Variants in DDX51 observed in about 807,000 individuals in gnomAD.
The protein encoded by DDX51 is ATP-dependent RNA helicase DDX51.
A neutral mutation model predicts 74.6 loss-of-function variants in DDX51; 67 were observed. The ratio of observed to expected loss-of-function variants is 0.90; its 90% confidence interval spans 0.74 to 1.10. The LOEUF (loss-of-function observed/expected upper bound fraction) is 1.10. Among genes scored for constraint, DDX51 ranks in the 50% least tolerant of loss-of-function variants. The pLI is 0.00. For missense variants in DDX51, 1,056 were observed against 905.2 expected (o/e 1.17, Z -2.14); for synonymous variants, 545 against 402.9 (o/e 1.35, Z -4.22).
At position 132,142,353 on chromosome 12, in the gene DDX51, T is replaced by C. The variant is rs768374413; in HGVS notation, c.740A>G (p.Tyr247Cys). The C allele has an allele frequency of 1.2e-5, 19 of 1,612,842 alleles. No individual in the cohort carries two copies. The South Asian group carries it at 2.0e-4, about 17-fold the overall frequency. Reference protein sequence around the residue: ...ACGFLVGRGGYRPSDLCVSAP... With the variant: ...ACGFLVGRGGCRPSDLCVSAP... ...AGAAACACAGAGGTCGCTAGGCCGG[T>C]AGCCACCTCTGCCCACCAGAAACCC... The change falls in exon 4 of 15, where the codon TAC becomes TGC. Residue 247 changes from tyrosine to cysteine, a missense_variant. Transcript: ENST00000397333.
chr12:132,142,369 C>A lies in DDX51; in HGVS notation c.724G>T (p.Val242Leu). ...LLESAACGFL[V>L]GRGGYRPSDL... ...CTAGGCCGGTAGCCACCTCTGCCCA[C>A]CAGAAACCCACAGGCTGCGCTCTCC... Residue 242 changes from valine to leucine, a missense_variant, in exon 4 of 15, where the codon GTG becomes TTG. By Grantham distance (32) the Val-to-Leu change is conservative. Coordinates refer to ENST00000397333, the MANE Select transcript of DDX51 (RefSeq NM_175066.4). The A allele has an allele frequency of 6.2e-7, 1 of 1,613,024 alleles. No individual in the cohort carries two copies. Among genetic ancestry groups the A allele is most frequent in the Non-Finnish European group, 8.5e-7 (1 of 1,180,016 alleles).
Position 132,141,358 on chromosome 12 carries a change from C to G in DDX51, c.1167G>C (p.Val389=), listed in dbSNP as rs1417198229. Residue 389 remains valine (V), a synonymous_variant, in exon 8 of 15, where the codon GTG becomes GTC. Transcript: ENST00000397333. ...SMHQSWLPRV[V]AAAFQSEDPA... The stretch of plus-strand genomic sequence containing the variant: ...GGTCCTCGCTCTGGAAGGCGGCCGC[C>G]ACCACCCGCGGCAGCCAGGACTGAT... 4 of 1,598,544 alleles carry G rather than the reference C, an allele frequency of 2.5e-6. No individual in the cohort carries two copies. The highest frequency in any genetic ancestry group is 3.4e-6 in the Non-Finnish European group (4 of 1,179,650).
Position 132,141,285 on chromosome 12 carries a change from T to C in DDX51, c.1240A>G (p.Thr414Ala). Reference protein sequence around the residue: ...LLQRRQAQAVTAASTCCPQMP... With the variant: ...LLQRRQAQAVAAASTCCPQMP... ...CGTGCTGCTGGATACCTGGCGGCTG[T>C]CACAGCCTGGGCCTGCCTTCGCTGG... Residue 414 changes from threonine (T) to alanine (A), a missense_variant, in exon 8 of 15, where the codon ACA becomes GCA. Physicochemically the swap from Thr to Ala is moderately conservative, Grantham distance 58 (BLOSUM62 0). Transcript: ENST00000397333. 6.3e-7 allele frequency: 1 copy of C among 1,593,804 alleles called. No individual in the cohort carries two copies. Among genetic ancestry groups the C allele is most frequent in the Non-Finnish European group, 8.5e-7 (1 of 1,176,448 alleles).
rs1046353388 is a variant in DDX51, at chr12:132,137,337, C to T, written c.*1935G>A. On this transcript the variant is annotated 3_prime_UTR_variant, in exon 15 of 15. Coordinates refer to ENST00000397333, the MANE Select transcript of DDX51 (RefSeq NM_175066.4). Reference sequence around the variant, plus strand: ...TGTCTCATCTGTGATTCACAGTCTGCTCTTTCTGGCTGCTTGTCGTGAGAA... The same window carrying T: ...TGTCTCATCTGTGATTCACAGTCTGTTCTTTCTGGCTGCTTGTCGTGAGAA... 6.6e-6 allele frequency: 1 copy of T among 152,224 alleles called. No individual in the cohort carries two copies. The highest frequency in any genetic ancestry group is 2.4e-5 in the African/African-American group (1 of 41,448). The allele number at this position is 152,224 out of a possible 1,614,324, so 9.4% of individuals were successfully genotyped here. A position where few individuals can be genotyped will look rare whatever the true frequency, so the allele number is the denominator to read the frequency against.
chr12:132,143,951 T>C (rs774338163), intron 1 of DDX51, 42 bp from the exon 2 acceptor site: 198 of 1,469,904 alleles, frequency 1.3e-4, no homozygotes, highest in Non-Finnish European at 1.7e-4. Context: ...CAGCACCGAG[T>C]CGCCGGCGCC....
At chr12:132,143,582 G>C in intron 2 of DDX51, 113 bp downstream of exon 2, 1 of 1,374,540 alleles carries the variant, frequency 7.3e-7, no homozygotes, top group South Asian at 1.3e-5. Flanking sequence ...GCGAGGCGCG[G>C]CTGTGACCCG....
Position 132,144,251 on chromosome 12 carries a change from C to G in DDX51, c.46G>C (p.Ala16Pro), listed in dbSNP as rs1267711285. The change falls in exon 1 of 15, where the codon GCT (alanine) becomes CCT (proline). Residue 16 changes from alanine to proline, a missense_variant. Transcript: ENST00000397333. ...TCCGCGCCCTCCGGCCCCGCCGCAG[C>G]TGCCGCATCGGGGCCCGGGTACCGC... ...VARYPGPDAA[A>P]AAGPEGAEAG... 4.8e-6 allele frequency: 6 copies of G among 1,237,918 alleles called. No individual in the cohort carries two copies. The African/African-American group carries it at 6.3e-5, about 13-fold the overall frequency. 76.7% of individuals were successfully genotyped at this position (1,237,918 alleles called of 1,614,324 possible). A position where few individuals can be genotyped will look rare whatever the true frequency, so the allele number is the denominator to read the frequency against.
intron 8 of DDX51, 74 bp downstream of exon 8, chr12:132,141,201 G>A (rs1383687958): frequency 1.3e-6 from 2 of 1,516,302 alleles, no homozygotes; most frequent in Non-Finnish European, 1.8e-6. Flanking sequence ...TTATCTCTGG[G>A]CATTAAGGAA....
intron 2 of DDX51, 163 bp from the exon 3 acceptor site, chr12:132,143,041 C>A: frequency 1.1e-6 from 1 of 884,162 alleles, no homozygotes; most frequent in South Asian, 1.6e-5. Flanking sequence ...AGAAGTTAAA[C>A]AGTAAAAGCA....
rs752574558 is a variant in DDX51, at chr12:132,140,218, T to C, written c.1674-19A>G. Reference sequence around the variant, plus strand: ...GATGAGCCTGCCGGGACACGCAGCATTGTGGGCCCGACGTGCCAGGAGCAG... The same window carrying C: ...GATGAGCCTGCCGGGACACGCAGCACTGTGGGCCCGACGTGCCAGGAGCAG... On this transcript the variant is annotated intron_variant, in intron 11 of 14. Coordinates refer to ENST00000397333, the MANE Select transcript of DDX51 (RefSeq NM_175066.4). The C allele has an allele frequency of 1.2e-5, 20 of 1,607,554 alleles. No individual in the cohort carries two copies. The highest frequency in any genetic ancestry group is 5.0e-5 in the Admixed American group (3 of 59,740).
chr12:132,143,167 G>A (rs891375437), intron 2 of DDX51: 2 of 462,942 alleles, frequency 4.3e-6, no homozygotes, highest in Non-Finnish European at 7.9e-6. Flanking sequence ...AGCCACGCCG[G>A]CGTCCCTGCC....
Position 132,142,380 on chromosome 12 carries a change from C to T in DDX51, c.713G>A (p.Cys238Tyr), listed in dbSNP as rs1897499953. The change falls in exon 4 of 15, where the codon TGT becomes TAT. Residue 238 changes from cysteine (C) to tyrosine (Y), a missense_variant. Coordinates refer to ENST00000397333, the MANE Select transcript of DDX51 (RefSeq NM_175066.4). ...VIPALLESAA[C>Y]GFLVGRGGYR... ...GCCACCTCTGCCCACCAGAAACCCACAGGCTGCGCTCTCCAGGAGGGCAGG... is the reference window on the plus strand; with the variant it reads ...GCCACCTCTGCCCACCAGAAACCCATAGGCTGCGCTCTCCAGGAGGGCAGG... The T allele has an allele frequency of 2.5e-6, 4 of 1,612,974 alleles. No homozygotes were observed. Among genetic ancestry groups the T allele is most frequent in the Non-Finnish European group, 3.4e-6 (4 of 1,180,006 alleles).
At chr12:132,142,081 G>A in intron 5 of DDX51, 38 bp downstream of exon 5, 1 of 1,563,046 alleles carries the variant, frequency 6.4e-7, no homozygotes, top group African/African-American at 1.4e-5. Flanking sequence ...GGAAGCTGAG[G>A]CGGGCGGTGC....
Position 132,141,625 on chromosome 12 carries a change from C to A in DDX51, c.996-19G>T. On this transcript the variant is annotated intron_variant, in intron 6 of 14. Transcript: ENST00000397333. ...ATCAGCTCTACAGACCAGAGAGCAG[C>A]TCGAGAGAAGGAAGCTTTCTCAAGG... is the stretch of plus-strand genomic sequence containing the variant. 1.3e-6 allele frequency: 2 copies of A among 1,554,138 alleles called. No individual in the cohort carries two copies. The highest frequency in any genetic ancestry group is 1.2e-5 in the South Asian group (1 of 82,956).
chr12:132,140,343 C>T (rs1897398496), intron 11 of DDX51, 80 bp downstream of exon 11: 5 of 1,577,660 alleles, frequency 3.2e-6, no homozygotes, highest in Admixed American at 1.7e-5. Context: ...CAGAAGGAAG[C>T]ACCTTTTAGA....
intron 3 of DDX51, 82 bp from the exon 4 acceptor site, chr12:132,142,504 G>A (rs1897506200): frequency 1.3e-6 from 2 of 1,546,150 alleles, no homozygotes; most frequent in South Asian, 1.2e-5. Flanking sequence ...CCTCTGGGCT[G>A]GGCTGCTCTG....
chr12:132,137,371 G>C lies in DDX51; in HGVS notation c.*1901C>G, dbSNP rs774588722. On this transcript the variant is annotated 3_prime_UTR_variant, in exon 15 of 15. Coordinates refer to ENST00000397333, the MANE Select transcript of DDX51 (RefSeq NM_175066.4). ...GCTGCTTGTCGTGAGAAGTGATTTT[G>C]AACCCCGAGGTTAGAAAGGGAGCTA... 6 of 152,204 alleles carry C rather than the reference G, an allele frequency of 3.9e-5. No individual in the cohort carries two copies. Among genetic ancestry groups the C allele is most frequent in the Non-Finnish European group, 5.9e-5 (4 of 68,044 alleles). The allele number at this position is 152,204 out of a possible 1,614,324, so 9.4% of individuals were successfully genotyped here.
In DDX51 at chr12:132,141,581, C is replaced by T. The variant is rs781435409; in HGVS notation, c.1021G>A (p.Asp341Asn). 1.2e-6 allele frequency: 2 copies of T among 1,601,726 alleles called. No homozygotes were observed. The highest frequency in any genetic ancestry group is 1.7e-6 in the Non-Finnish European group (2 of 1,175,552). The change falls in exon 7 of 15, where the codon GAC becomes AAC. Residue 341 changes from aspartate to asparagine, a missense_variant. Transcript: ENST00000397333. ...CGGCCGGGGGTGGCTACCACGATGT[C>T]AGCCAAGCAGCGGTACCCATCAGCT... ...KTADGYRCLA[D>N]IVVATPGRLV...
chr12:132,141,822 G>C (rs758154765), intron 6 of DDX51, 28 bp downstream of exon 6: 1 of 1,610,888 alleles, frequency 6.2e-7, no homozygotes, highest in African/African-American at 1.3e-5. Context: ...GGGACCCCCT[G>C]AAAAACCCGC....
Sources: allele counts gnomAD v4.1 joint callset, GRCh38; gene constraint gnomAD v4.1.1; transcripts MANE v1.5; gene names NCBI Gene and HGNC (gene_info 2026-07-23, HGNC 2026-07-21).